The following PGAP4 variants were observed in gnomAD, a reference collection of about 807,000 sequenced individuals.
PGAP4 encodes the protein post-GPI attachment to proteins GalNAc transferase 4.
Under a neutral mutation model 28.2 loss-of-function variants are expected in PGAP4, and 12 were observed. The ratio of observed to expected loss-of-function variants is 0.42; its 90% CI spans 0.27 to 0.69. The LOEUF (loss-of-function observed/expected upper bound fraction) is 0.69, where lower values mean the gene tolerates loss of function less well. Ranked by LOEUF, PGAP4 falls within the 30% of genes least tolerant of loss-of-function variation. The pLI is 0.22. For synonymous variants in PGAP4, 205 were observed against 211.8 expected (o/e 0.97, Z 0.28); for missense variants, 425 against 513.5 (o/e 0.83, Z 1.67).
chr9:101,487,413 C>A (rs1005274189), upstream of PGAP4, among the ~76,000 whole-genome samples: 1 of 152,216 alleles, frequency 6.6e-6, no homozygotes, highest in Admixed American at 6.5e-5. Flanking sequence ...TACTTTGGGT[C>A]TTGAATGTTT....
rs980875952 is a variant in PGAP4 at position 101,476,128 on chromosome 9, G to A, written c.965C>T (p.Ser322Phe). The A allele has an allele frequency of 6.2e-7, 1 of 1,613,962 alleles. No homozygotes were observed. The highest frequency in any genetic ancestry group is 1.3e-5 in the African/African-American group (1 of 74,914). ...YFLELRRLSP[S>F]LYSVVPASQC... ...AGAGGCAGGAACCACACTGTACAGG[G>A]AAGGACTCAGCCGCCGCAGTTCCAG... is the stretch of plus-strand genomic sequence containing the variant. The change falls in exon 2 of 2, where the codon TCC becomes TTC. Residue 322 changes from serine to phenylalanine, a missense_variant. By Grantham distance (155) the Ser-to-Phe change is radical (BLOSUM62 -2). Coordinates refer to ENST00000374848, the MANE Select transcript of PGAP4 (RefSeq NM_032342.3). The surrounding 1 kb of genome is among the most constrained non-coding windows in gnomAD (Gnocchi z 7.0).
At chr9:101,488,760 C>T (rs12235146), upstream of PGAP4, among the ~76,000 whole-genome samples, 54 of 152,218 alleles carry the variant, frequency 3.5e-4, no homozygotes, top group East Asian at 9.3e-3. Flanking sequence ...CCCTCAGTAG[C>T]ACTAGCCACA....
Position 101,476,969 on chromosome 9 carries a change from C to T in PGAP4, c.124G>A (p.Ala42Thr). The change falls in exon 2 of 2, where the codon GCC (alanine) becomes ACC (threonine). Residue 42 changes from alanine (A) to threonine (T), a missense_variant. By Grantham distance (58) the Ala-to-Thr change is moderately conservative. Coordinates refer to ENST00000374848, the MANE Select transcript of PGAP4 (RefSeq NM_032342.3). This position sits in a 1 kb window ranked among gnomAD's most constrained non-coding sequence, Gnocchi z 7.0. ...TAAGAGTGTAGAAGTCGGTGACAGG[C>T]CAGGGGGGCCAGCAGGCCAAACGTC... Reference protein sequence around the residue: ...VVTFGLLAPLACHRLLHSYFY... With the variant: ...VVTFGLLAPLTCHRLLHSYFY... 1.2e-6 allele frequency: 2 copies of T among 1,612,350 alleles called. No homozygotes were observed. Among genetic ancestry groups the T allele is most frequent in the Non-Finnish European group, 1.7e-6 (2 of 1,179,418 alleles).
intron 1 of PGAP4, among the ~76,000 whole-genome samples, chr9:101,531,968 C>T (rs7040863): frequency 4.0e-3 from 611 of 152,336 alleles, no homozygotes; most frequent in African/African-American, 0.014. Context: ...AAGAGAGCCA[C>T]GCCAAGCGTG....
At chr9:101,493,987 A>G (rs78584774) in intron 2 of PGAP4, among the ~76,000 whole-genome samples, 5,767 of 152,104 alleles carry the variant, frequency 0.038, 162 homozygotes, top group Admixed American at 0.076. Flanking sequence ...GGGTTTTTTT[A>G]AAGAAATATA....
upstream of PGAP4, among the ~76,000 whole-genome samples, chr9:101,491,940 T>G (rs955843105): frequency 6.6e-6 from 1 of 150,554 alleles, no homozygotes; most frequent in Non-Finnish European, 1.5e-5. Flanking sequence ...GATGATGCAT[T>G]CTGCAATTGT....
intron 2 of PGAP4, among the ~76,000 whole-genome samples, chr9:101,507,696 C>A (rs1405044054): frequency 1.3e-5 from 2 of 152,064 alleles, no homozygotes; most frequent in African/African-American, 4.8e-5. Flanking sequence ...AGAGTAATAA[C>A]CAGACTTTGG....
chr9:101,478,667 C>T (rs1363891125), intron 1 of PGAP4, among the ~76,000 whole-genome samples: 1 of 152,212 alleles, frequency 6.6e-6, no homozygotes. Flanking sequence ...TCTCTTTCCC[C>T]ATCTGCCAGC....
upstream of PGAP4, among the ~76,000 whole-genome samples, chr9:101,489,867 TA>T (rs565590927): frequency 6.6e-6 from 1 of 152,098 alleles, no homozygotes; most frequent in Non-Finnish European, 1.5e-5. Context: ...TTGGGACACA[TA>T]AAAAAAGTTC....
chr9:101,517,118 C>T (rs1428830968), intron 2 of PGAP4, among the ~76,000 whole-genome samples: 1 of 152,072 alleles, frequency 6.6e-6, no homozygotes, highest in Non-Finnish European at 1.5e-5. Flanking sequence ...CTGAAATTTG[C>T]ATATATCAGA....
intron 2 of PGAP4, among the ~76,000 whole-genome samples, chr9:101,516,040 T>C (rs1015843587): frequency 1.3e-5 from 2 of 152,144 alleles, no homozygotes; most frequent in South Asian, 2.1e-4. Context: ...CATTGTCTCT[T>C]ATAAATACAA....
At chr9:101,493,252 C>CA (rs34195899) in intron 2 of PGAP4, among the ~76,000 whole-genome samples, 11,008 of 116,820 alleles carry the variant, frequency 0.094, 542 homozygotes, top group African/African-American at 0.12. Flanking sequence ...GACTCCATCT[C>CA]AAAAAAAAAA....
At position 101,475,149 on chromosome 9, in the gene PGAP4, A is replaced by T. The variant is rs72743370; in HGVS notation, c.*732T>A. On this transcript the variant is annotated 3_prime_UTR_variant, in exon 2 of 2. Transcript: ENST00000374848. The stretch of plus-strand genomic sequence containing the variant: ...CCAATTTTCAAAGAGTCAGAGTAGT[A>T]CAGAAATGTTCAATGTTAAATCACT... The T allele has an allele frequency of 0.12, 17,658 of 152,432 alleles. 1,104 individuals carry two copies. Among genetic ancestry groups the T allele is most frequent in the African/African-American group, 0.17 (7,253 of 41,490 alleles). 9.4% of individuals were successfully genotyped at this position (152,432 alleles called of 1,614,324 possible).
chr9:101,532,181 A>G (rs1827100239), intron 1 of PGAP4, among the ~76,000 whole-genome samples: 1 of 152,028 alleles, frequency 6.6e-6, no homozygotes, highest in African/African-American at 2.4e-5. Flanking sequence ...GAGGCATGGG[A>G]ATTGCTTGAA....
chr9:101,495,475 A>ATATATATTATATATTCTTATATTT (rs1564097821), intron 2 of PGAP4, among the ~76,000 whole-genome samples: 1 of 137,886 alleles, frequency 7.3e-6, no homozygotes, highest in Non-Finnish European at 1.5e-5. Flanking sequence ...TTTATATATA[A>ATATATATTATATATTCTTATATTT]TATATATAGG....
chr9:101,496,616 A>G (rs1365215743), intron 2 of PGAP4, among the ~76,000 whole-genome samples: 1 of 151,382 alleles, frequency 6.6e-6, no homozygotes, highest in Non-Finnish European at 1.5e-5. Flanking sequence ...TTTTAAATAC[A>G]TTTTTAATGA....
At chr9:101,490,738 A>C (rs967803696), upstream of PGAP4, among the ~76,000 whole-genome samples, 4 of 152,200 alleles carry the variant, frequency 2.6e-5, no homozygotes, top group Non-Finnish European at 5.9e-5. Flanking sequence ...TTTCCAGCTC[A>C]ATAGGCTGTG....
intron 2 of PGAP4, among the ~76,000 whole-genome samples, chr9:101,514,730 G>A (rs1273399824): frequency 2.6e-5 from 4 of 152,126 alleles, no homozygotes; most frequent in Admixed American, 1.3e-4. Flanking sequence ...GGAAACTAAA[G>A]GGAATAAGGT....
intron 2 of PGAP4, among the ~76,000 whole-genome samples, chr9:101,522,361 T>A (rs1239073223): frequency 6.6e-6 from 1 of 152,154 alleles, no homozygotes; most frequent in African/African-American, 2.4e-5. Flanking sequence ...ATTTCTTAGG[T>A]CTATTAGTAA....
Sources: allele counts gnomAD v4.1 joint callset (sites outside exome capture counted in the v4.1 genomes callset), GRCh38; gene constraint gnomAD v4.1.1; non-coding constraint Gnocchi (gnomAD v3.1); transcripts MANE v1.5; gene names NCBI Gene and HGNC (gene_info 2026-07-23, HGNC 2026-07-21).